Variants in FRMD8 observed in about 807,000 individuals in gnomAD.
FRMD8 encodes FERM domain-containing protein 8.
Under a neutral mutation model 54.2 loss-of-function variants are expected in FRMD8, and 37 were observed. The observed-to-expected ratio is 0.68, with a 90% CI of 0.53 to 0.90. FRMD8 has a LOEUF of 0.90. Among genes scored for constraint, FRMD8 ranks in the 40% least tolerant of loss-of-function variants. The pLI is 0.00. For missense variants in FRMD8, 585 were observed against 653.7 expected, an observed-to-expected ratio of 0.89 and a Z score of 1.15; for synonymous variants, 246 against 286.9, an observed-to-expected ratio of 0.86 and a Z score of 1.44.
intron 3 of FRMD8, among the ~76,000 whole-genome samples, chr11:65,391,541 C>T (rs1423811522): frequency 2.0e-5 from 3 of 151,926 alleles, no homozygotes; most frequent in Admixed American, 6.6e-5. Context: ...GACAGAGTCT[C>T]ACTCTGTTGC....
At chr11:65,398,359 G>T (rs1402442084) in intron 7 of FRMD8, among the ~76,000 whole-genome samples, 1 of 152,228 alleles carries the variant, frequency 6.6e-6, no homozygotes, top group Admixed American at 6.5e-5. Context: ...TGGCGACTTC[G>T]AGTGGGCATC....
At chr11:65,379,407 A>G in the FRMD8 span, 2 of 1,612,328 alleles carry the variant, frequency 1.2e-6, no homozygotes, top group East Asian at 2.2e-5. Flanking sequence ...GCCCGCTAGG[A>G]AGATGTGCAT....
chr11:65,390,389 A>G (rs1247636494), intron 3 of FRMD8, among the ~76,000 whole-genome samples: 1 of 152,100 alleles, frequency 6.6e-6, no homozygotes, highest in Non-Finnish European at 1.5e-5. Flanking sequence ...TCCCTTCGTT[A>G]TAGAGGAATG....
In FRMD8 at chr11:65,393,624, C is replaced by T. The variant is rs148847151; in HGVS notation, c.305C>T (p.Pro102Leu). ...HQPYKLGRQW[P>L]ELLLRFTSAP... is the part of the protein sequence containing the mutation. The stretch of plus-strand genomic sequence containing the variant: ...CCCTACAAGCTGGGACGCCAGTGGC[C>T]GGAGCTGCTGCTGCGCTTCACCAGT... Residue 102 changes from proline to leucine, a missense_variant, in exon 4 of 11, where the codon CCG becomes CTG. Physicochemically the swap from Pro to Leu is moderately conservative, Grantham distance 98. Coordinates refer to ENST00000317568, the MANE Select transcript of FRMD8 (RefSeq NM_031904.5). The T allele has an allele frequency of 1.5e-4, 244 of 1,608,690 alleles. No homozygotes were observed. In the African/African-American group the frequency reaches 2.9e-3, roughly 19 times the overall value.
intron 10 of FRMD8, among the ~76,000 whole-genome samples, chr11:65,406,940 CAAATAAATAAAT>C (rs201370165): frequency 1.4e-4 from 21 of 151,484 alleles, no homozygotes; most frequent in Non-Finnish European, 2.2e-4. Context: ...AACTCCGTCT[CAAATAAATAAAT>C]AAATAAATAA....
the FRMD8 span, chr11:65,379,091 C>T: frequency 6.6e-5 from 29 of 441,332 alleles, no homozygotes; most frequent in South Asian, 3.9e-4. Flanking sequence ...CTGGCAGACC[C>T]CTCTGGAGGG....
intron 3 of FRMD8, among the ~76,000 whole-genome samples, chr11:65,390,756 G>A (rs905073006): frequency 7.9e-5 from 12 of 152,300 alleles, no homozygotes; most frequent in Admixed American, 6.5e-4. Context: ...GCATGGGTTG[G>A]CCCCTGCCTT....
chr11:65,373,932 G>A, the FRMD8 span, among the ~76,000 whole-genome samples: 4 of 152,196 alleles, frequency 2.6e-5, no homozygotes, highest in Admixed American at 1.3e-4. Flanking sequence ...ACCACACTTG[G>A]ATTACCACTG....
chr11:65,372,929 G>T, the FRMD8 span, among the ~76,000 whole-genome samples: 2 of 152,128 alleles, frequency 1.3e-5, no homozygotes, highest in Non-Finnish European at 2.9e-5. Context: ...GGTGCTGGAT[G>T]GGCTCAGAGA....
intron 6 of FRMD8, among the ~76,000 whole-genome samples, 178 bp downstream of exon 6, chr11:65,394,603 C>T (rs560707884): frequency 5.1e-4 from 78 of 152,364 alleles, no homozygotes; most frequent in African/African-American, 1.9e-3. Flanking sequence ...GCCTCCTTTT[C>T]CTCACCTGTC....
In FRMD8 at chr11:65,387,542, CCTTT is replaced by C. The variant is rs990126422; in HGVS notation, c.85+434_85+437del. On this transcript the variant is annotated intron_variant, in intron 2 of 10. Transcript: ENST00000317568. ...GTGTCATTTCTTTTTTTCTTTCTTT[CCTTT>C]CTTTCTTTCTTTGACAGAGTCTCCC... 9.5e-4 allele frequency among the ~76,000 whole-genome samples: 144 copies of C among 151,842 alleles called. 1 individual carries two copies. The highest frequency in any genetic ancestry group is 7.6e-3 in the Admixed American group (116 of 15,274).
intron 10 of FRMD8, among the ~76,000 whole-genome samples, chr11:65,408,301 C>T (rs951641303): frequency 1.1e-4 from 16 of 151,952 alleles, no homozygotes; most frequent in African/African-American, 3.1e-4. Context: ...CTCCAACTCC[C>T]GACCTCAGGT....
chr11:65,387,028 C>G lies in FRMD8; in HGVS notation c.1-9C>G, dbSNP rs778792189. The G allele has an allele frequency of 2.5e-6, 4 of 1,607,564 alleles. No homozygotes were observed. Among genetic ancestry groups the G allele is most frequent in the Non-Finnish European group, 3.4e-6 (4 of 1,178,868 alleles). On this transcript the variant is annotated splice_polypyrimidine_tract_variant and intron_variant, in intron 1 of 10. Transcript: ENST00000317568. ...TCCCGGTAACTGCTGTTTCTCTTTG[C>G]CTTTGCAGATGGACGGGACAGAAGG...
rs1372268319 is a variant in FRMD8 at position 65,393,048 on chromosome 11, C to G, written c.254-525C>G. On this transcript the variant is annotated intron_variant, in intron 3 of 10. Transcript: ENST00000317568. ...ATAAGGTGGGAGGGCCAGGCAGGAGCTGGGTTGCGTGTGGGCCACGGAGGT... is the reference window on the plus strand; with the variant it reads ...ATAAGGTGGGAGGGCCAGGCAGGAGGTGGGTTGCGTGTGGGCCACGGAGGT... Among the ~76,000 whole-genome samples the G allele has an allele frequency of 1.3e-5, 2 of 152,126 alleles. 1 individual carries two copies. Among genetic ancestry groups the G allele is most frequent in the Admixed American group, 1.3e-4 (2 of 15,276 alleles).
intron 3 of FRMD8, 99 bp from the exon 4 acceptor site, chr11:65,393,474 T>G (rs747004069): frequency 1.3e-5 from 11 of 815,290 alleles, no homozygotes; most frequent in Non-Finnish European, 2.2e-5. Flanking sequence ...CAGTTACTAT[T>G]GGTTGCGACT....
the FRMD8 span, among the ~76,000 whole-genome samples, chr11:65,369,675 C>T: frequency 1.3e-5 from 2 of 151,152 alleles, no homozygotes; most frequent in Non-Finnish European, 1.5e-5. Context: ...TTACATGAGC[C>T]GAGATCAAGC....
chr11:65,380,672 TC>T, the FRMD8 span: 1 of 1,146,536 alleles, frequency 8.7e-7, no homozygotes, highest in Non-Finnish European at 1.2e-6. Flanking sequence ...GAGGAGCTTC[TC>T]CCCTCCCCTC....
rs986970808 is a variant in FRMD8 at position 65,412,848 on chromosome 11, G to A, written c.*1488G>A. ...CCTGGGAAGGGCCCCCAGTCTTTTG[G>A]AATGTCCTGGTCACAGGGTCATGTC... On this transcript the variant is annotated 3_prime_UTR_variant, in exon 11 of 11. Coordinates refer to ENST00000317568, the MANE Select transcript of FRMD8 (RefSeq NM_031904.5). The A allele has an allele frequency of 1.3e-5, 2 of 152,192 alleles. No individual in the cohort carries two copies. The highest frequency in any genetic ancestry group is 2.9e-5 in the Non-Finnish European group (2 of 68,036). The allele number at this position is 152,192 out of a possible 1,614,324, so 9.4% of individuals were successfully genotyped here.
chr11:65,398,926 G>A (rs1378741596), intron 7 of FRMD8, among the ~76,000 whole-genome samples: 1 of 152,050 alleles, frequency 6.6e-6, no homozygotes, highest in Admixed American at 6.6e-5. Flanking sequence ...GGTGGTGAGG[G>A]CAAGGGTGAG....
Sources: allele counts gnomAD v4.1 joint callset (sites outside exome capture counted in the v4.1 genomes callset), GRCh38; gene constraint gnomAD v4.1.1; transcripts MANE v1.5; gene names NCBI Gene and HGNC (gene_info 2026-07-23, HGNC 2026-07-21).